RAP1GAP: variants seen among roughly 807,000 people sequenced by gnomAD.
RAP1GAP encodes RAP1 GTPase activating protein.
Under a neutral mutation model 87.2 loss-of-function variants are expected in RAP1GAP, and 35 were observed. That is an observed-to-expected ratio of 0.40 (90% confidence interval 0.31 to 0.53). RAP1GAP has a LOEUF of 0.53. Among genes scored for constraint, RAP1GAP ranks in the 20% least tolerant of loss-of-function variants. The probability of loss-of-function intolerance (pLI) is 0.48; values close to 1 mark genes in which losing one functional copy is unlikely to be tolerated. For missense variants in RAP1GAP, 734 were observed against 898.9 expected (o/e 0.82, Z 2.35); for synonymous variants, 375 against 363.9 (o/e 1.03, Z -0.35).
chr1:21,600,186 A>C (rs558666961), intron 20 of RAP1GAP, among the ~76,000 whole-genome samples: 1 of 152,244 alleles, frequency 6.6e-6, no homozygotes, highest in Admixed American at 6.5e-5. Flanking sequence ...TCCTGCCTGG[A>C]GTCTCAGTCC....
chr1:21,653,909 C>G (rs979996948), intron 1 of RAP1GAP, among the ~76,000 whole-genome samples: 1 of 152,110 alleles, frequency 6.6e-6, no homozygotes, highest in Non-Finnish European at 1.5e-5. Flanking sequence ...GCCAAGGGGC[C>G]GCCAACGTGG....
chr1:21,625,252 C>T (rs2091449246), intron 3 of RAP1GAP, among the ~76,000 whole-genome samples: 1 of 152,196 alleles, frequency 6.6e-6, no homozygotes, highest in Non-Finnish European at 1.5e-5. Flanking sequence ...AGGGAGGAGC[C>T]TGGTGGATTT....
intron 2 of RAP1GAP, among the ~76,000 whole-genome samples, chr1:21,639,399 G>C (rs1222383205): frequency 1.3e-5 from 2 of 152,240 alleles, no homozygotes; most frequent in African/African-American, 4.8e-5. Context: ...TCACACCTGA[G>C]TGTGTCTGAG....
intron 3 of RAP1GAP, among the ~76,000 whole-genome samples, chr1:21,625,243 G>C (rs547917561): frequency 6.6e-6 from 1 of 152,334 alleles, no homozygotes; most frequent in Non-Finnish European, 1.5e-5. Flanking sequence ...AGAGCTCTCA[G>C]GGAGGAGCCT....
At position 21,601,734 on chromosome 1, in the gene RAP1GAP, C is replaced by A. The variant is rs376717211; in HGVS notation, c.1602G>T (p.Ser534=). 5.0e-6 allele frequency: 8 copies of A among 1,612,420 alleles called. No individual in the cohort carries two copies. Among genetic ancestry groups the A allele is most frequent in the Non-Finnish European group, 5.1e-6 (6 of 1,178,928 alleles). ...GGGAGCTCTGAGTGGATGAGTTCTC[C>A]GACTTGGGCTCCTGTGAGACGTGCC... ...DSGHVSQEPK[S]ENSSTQSSPE... Residue 534 remains serine, a synonymous_variant, in exon 20 of 25, where the codon TCG becomes TCT. Coordinates refer to ENST00000374765, the MANE Select transcript of RAP1GAP (RefSeq NM_002885.4).
intron 1 of RAP1GAP, chr1:21,651,756 C>T (rs1417139828): frequency 3.0e-5 from 43 of 1,456,756 alleles, no homozygotes; most frequent in Non-Finnish European, 3.8e-5. Flanking sequence ...ACGCGCCCCG[C>T]CCCGCGCCGC....
At chr1:21,644,998 C>T (rs762893821) in intron 2 of RAP1GAP, among the ~76,000 whole-genome samples, 6 of 151,998 alleles carry the variant, frequency 3.9e-5, no homozygotes, top group African/African-American at 7.3e-5. Flanking sequence ...AGTCTGCCTC[C>T]GCCATTCCCA....
intron 1 of RAP1GAP, among the ~76,000 whole-genome samples, chr1:21,662,741 T>A (rs1342080148): frequency 6.6e-6 from 1 of 152,038 alleles, no homozygotes; most frequent in African/African-American, 2.4e-5. Context: ...CTGCATGCAG[T>A]ACACAGAAAT....
Position 21,596,897 on chromosome 1 carries a change from C to T in RAP1GAP, c.*402G>A, listed in dbSNP as rs1362439757. On this transcript the variant is annotated 3_prime_UTR_variant, in exon 25 of 25. Coordinates refer to ENST00000374765, the MANE Select transcript of RAP1GAP (RefSeq NM_002885.4). ...ATATCACATCCTCCTTGTGCTGCCT[C>T]CAGGGGCTAAGCTCTCCACACGGAG... 2 of 152,434 alleles carry T rather than the reference C, an allele frequency of 1.3e-5. No homozygotes were observed. Among genetic ancestry groups the T allele is most frequent in the African/African-American group, 2.4e-5 (1 of 41,430 alleles). The allele number at this position is 152,434 out of a possible 1,614,324, so 9.4% of individuals were successfully genotyped here. A position where few individuals can be genotyped will look rare whatever the true frequency, so the allele number is the denominator to read the frequency against.
At chr1:21,597,510 A>G (rs1371027894) in intron 24 of RAP1GAP, among the ~76,000 whole-genome samples, 176 bp downstream of exon 24, 1 of 152,206 alleles carries the variant, frequency 6.6e-6, no homozygotes, top group African/African-American at 2.4e-5. Context: ...GGCAGAGGTC[A>G]CGGGGAAGGG....
At chr1:21,632,299 C>G (rs1043096242) in intron 2 of RAP1GAP, among the ~76,000 whole-genome samples, 1 of 152,186 alleles carries the variant, frequency 6.6e-6, no homozygotes, top group African/African-American at 2.4e-5. Context: ...GTCACTGCAC[C>G]TCCTCCCCCT....
chr1:21,638,670 C>T (rs6665848), intron 2 of RAP1GAP, among the ~76,000 whole-genome samples: 7,151 of 152,248 alleles, frequency 0.047, 205 homozygotes, highest in African/African-American at 0.063. Flanking sequence ...CTTTCTGTGG[C>T]AAATACTTTT....
chr1:21,653,576 C>T (rs141474423), intron 1 of RAP1GAP, among the ~76,000 whole-genome samples: 5,286 of 134,052 alleles, frequency 0.039, 133 homozygotes, highest in Middle Eastern at 0.064. Context: ...TCCTTCCTTC[C>T]TTCCTTCCTT....
Position 21,649,795 on chromosome 1 carries a change from C to A in RAP1GAP, c.-147G>T. 6.4e-7 allele frequency: 1 copy of A among 1,552,178 alleles called. No homozygotes were observed. Among genetic ancestry groups the A allele is most frequent in the Non-Finnish European group, 8.7e-7 (1 of 1,147,258 alleles). Reference sequence around the variant, plus strand: ...CGGCGAGAAGTGAAGGACTTGTCCACCCTGAAACACAACAAGAGGGGCCAT... The same window carrying A: ...CGGCGAGAAGTGAAGGACTTGTCCAACCTGAAACACAACAAGAGGGGCCAT... On this transcript the variant is annotated splice_region_variant and 5_prime_UTR_variant, in exon 2 of 25. Coordinates refer to ENST00000374765, the MANE Select transcript of RAP1GAP (RefSeq NM_002885.4).
At chr1:21,649,065 C>T (rs1397632186) in intron 2 of RAP1GAP, among the ~76,000 whole-genome samples, 4 of 152,214 alleles carry the variant, frequency 2.6e-5, no homozygotes, top group Admixed American at 6.5e-5. Flanking sequence ...GCCAGCCAGG[C>T]CCACGTGATG....
Position 21,613,564 on chromosome 1 carries a change from T to C in RAP1GAP, c.474+64A>G. 2.0e-6 allele frequency: 3 copies of C among 1,463,800 alleles called. No homozygotes were observed. Among genetic ancestry groups the C allele is most frequent in the Non-Finnish European group, 1.9e-6 (2 of 1,044,174 alleles). The allele number at this position is 1,463,800 out of a possible 1,614,324, so 90.7% of individuals were successfully genotyped here. On this transcript the variant is annotated intron_variant, in intron 9 of 24. Coordinates refer to ENST00000374765, the MANE Select transcript of RAP1GAP (RefSeq NM_002885.4). The surrounding 1 kb of genome is among the most constrained non-coding windows in gnomAD (Gnocchi z 4.7). ...CTGAAGGGGACGCGCCAAGGCAAGC[T>C]GAAGCCCCACAGGTGCCCATCTGCG...
chr1:21,652,540 CTTTGCCCTGGTGAG>C (rs1167320981), intron 1 of RAP1GAP, among the ~76,000 whole-genome samples: 1 of 152,108 alleles, frequency 6.6e-6, no homozygotes, highest in Non-Finnish European at 1.5e-5. Context: ...TCCCCTTCCC[CTTTGCCCTGGTGAG>C]GAGGAAGAGC....
chr1:21,634,392 A>G lies in RAP1GAP; in HGVS notation c.-112-7995T>C, dbSNP rs557107680. Among the ~76,000 whole-genome samples the G allele has an allele frequency of 4.6e-5, 7 of 152,266 alleles. No homozygotes were observed. The East Asian group carries it at 1.4e-3, about 29-fold the overall frequency. On this transcript the variant is annotated intron_variant, in intron 2 of 24. Transcript: ENST00000374765. The surrounding 1 kb of genome is among the most constrained non-coding windows in gnomAD (Gnocchi z 4.1). ...CATGCGGGCACTGTGATGTCATTCAATCCTTATGACAACAACCCTGACCTC... is the reference window on the plus strand; with the variant it reads ...CATGCGGGCACTGTGATGTCATTCAGTCCTTATGACAACAACCCTGACCTC...
At chr1:21,651,126 C>G (rs2096532645) in intron 1 of RAP1GAP, among the ~76,000 whole-genome samples, 1 of 152,222 alleles carries the variant, frequency 6.6e-6, no homozygotes, top group African/African-American at 2.4e-5. Context: ...CACCTCTGCA[C>G]CCCTTGACCC....
Sources: gnomAD v4.1 joint callset for allele counts (sites outside exome capture counted in the v4.1 genomes callset) on GRCh38, gnomAD v4.1.1 for gene constraint, Gnocchi (gnomAD v3.1) non-coding constraint, MANE v1.5 for transcripts, NCBI Gene and HGNC (gene_info 2026-07-23, HGNC 2026-07-21) for gene names.